Variants in NALF1 observed in about 807,000 individuals in gnomAD.
NALF1 encodes the protein NALCN channel auxiliary factor 1, also known as family with sequence similarity 155 member A.
Under a neutral mutation model 48.4 loss-of-function variants are expected in NALF1, and 3 were observed. The ratio of observed to expected loss-of-function variants is 0.06; its 90% CI spans 0.03 to 0.16. The LOEUF is 0.16. Among genes scored for constraint, NALF1 ranks in the 10% least tolerant of loss-of-function variants. The pLI is 1.00. For missense variants in NALF1, 526 were observed against 571.5 expected, an observed-to-expected ratio of 0.92 and a Z score of 0.81; for synonymous variants, 262 against 245.7, an observed-to-expected ratio of 1.07 and a Z score of -0.62.
At chr13:107,283,779 C>T (rs1007612589) in intron 1 of NALF1, among the ~76,000 whole-genome samples, 2 of 151,888 alleles carry the variant, frequency 1.3e-5, no homozygotes, top group Non-Finnish European at 2.9e-5. Flanking sequence ...CCTGTCTCAG[C>T]CTCCTGAGTA....
At chr13:107,650,146 A>G (rs975648049) in intron 1 of NALF1, among the ~76,000 whole-genome samples, 4 of 152,104 alleles carry the variant, frequency 2.6e-5, no homozygotes, top group African/African-American at 9.7e-5. Flanking sequence ...CATATCCTAC[A>G]CTGTCATTAA....
intron 2 of NALF1, among the ~76,000 whole-genome samples, chr13:107,172,345 C>T (rs1334366686): frequency 6.6e-6 from 1 of 152,198 alleles, no homozygotes; most frequent in African/African-American, 2.4e-5. Flanking sequence ...ATAAACTATA[C>T]ATTCTTAGTT....
intron 1 of NALF1, among the ~76,000 whole-genome samples, chr13:107,765,167 C>T (rs1877387799): frequency 6.6e-6 from 1 of 152,180 alleles, no homozygotes; most frequent in South Asian, 2.1e-4. Context: ...CCACCACACA[C>T]ACAGCAGCTC....
chr13:107,633,029 AAG>A (rs1460783398), intron 1 of NALF1, among the ~76,000 whole-genome samples: 1 of 152,086 alleles, frequency 6.6e-6, no homozygotes, highest in African/African-American at 2.4e-5. Context: ...CATTTTTAGA[AAG>A]AGAGAATAGT....
At chr13:107,268,037 A>T (rs1485755200) in intron 1 of NALF1, among the ~76,000 whole-genome samples, 1 of 132,492 alleles carries the variant, frequency 7.5e-6, no homozygotes. Context: ...ACCAGGCTGG[A>T]GAGTAGTGGC....
At chr13:107,724,810 A>G (rs1228495769) in intron 1 of NALF1, among the ~76,000 whole-genome samples, 1 of 152,014 alleles carries the variant, frequency 6.6e-6, no homozygotes, top group African/African-American at 2.4e-5. Flanking sequence ...CAAACTCCTG[A>G]GCCCAAATGA....
chr13:107,261,804 A>T, intron 1 of NALF1, among the ~76,000 whole-genome samples: 1 of 152,188 alleles, frequency 6.6e-6, no homozygotes, highest in Admixed American at 6.5e-5. Context: ...ACTTGAGCAA[A>T]TAAATCACTA....
intron 1 of NALF1, among the ~76,000 whole-genome samples, chr13:107,309,328 C>G (rs545089585): frequency 5.3e-5 from 8 of 152,328 alleles, no homozygotes; most frequent in African/African-American, 1.7e-4. Context: ...TCTGATTTCT[C>G]TCTCACATTC....
chr13:107,756,633 A>G (rs1304523187), intron 1 of NALF1, among the ~76,000 whole-genome samples: 1 of 151,928 alleles, frequency 6.6e-6, no homozygotes, highest in Non-Finnish European at 1.5e-5. Context: ...ACCTCCATGG[A>G]TTTGTCACCA....
At chr13:107,596,011 A>C (rs1255081359) in intron 1 of NALF1, among the ~76,000 whole-genome samples, 1 of 152,154 alleles carries the variant, frequency 6.6e-6, no homozygotes, top group African/African-American at 2.4e-5. Context: ...TGTGGGGTGG[A>C]AACTGCCAAA....
chr13:107,688,936 C>T (rs1005569577), intron 1 of NALF1, among the ~76,000 whole-genome samples: 2 of 152,026 alleles, frequency 1.3e-5, no homozygotes, highest in Non-Finnish European at 1.5e-5. Context: ...AGGTCACTGG[C>T]GAGGATGATG....
intron 1 of NALF1, among the ~76,000 whole-genome samples, chr13:107,625,895 A>G (rs1167279574): frequency 6.6e-6 from 1 of 152,128 alleles, no homozygotes; most frequent in African/African-American, 2.4e-5. Context: ...TAGTCAATTT[A>G]GCACACGAAT....
chr13:107,382,732 G>C (rs9670560), intron 1 of NALF1, among the ~76,000 whole-genome samples: 91,631 of 151,974 alleles, frequency 0.6, 27,714 homozygotes, highest in Middle Eastern at 0.68. Context: ...AGTGCTGATT[G>C]GTCGTTTGGT....
chr13:107,751,900 A>G (rs1269148002), intron 1 of NALF1, among the ~76,000 whole-genome samples: 19 of 152,132 alleles, frequency 1.2e-4, no homozygotes, highest in Admixed American at 1.2e-3. Context: ...AATTCATGTC[A>G]TCAAGGTGCT....
intron 1 of NALF1, among the ~76,000 whole-genome samples, chr13:107,720,123 C>T (rs1875939464): frequency 6.6e-6 from 1 of 152,178 alleles, no homozygotes; most frequent in African/African-American, 2.4e-5. Flanking sequence ...GTTTTGGTGG[C>T]CTCCACCCTA....
At chr13:107,779,152 G>A (rs925908118) in intron 1 of NALF1, among the ~76,000 whole-genome samples, 1 of 152,106 alleles carries the variant, frequency 6.6e-6, no homozygotes, top group Admixed American at 6.6e-5. Context: ...AAATTTCACT[G>A]ACCTTTCATT....
At chr13:107,639,420 C>T (rs1469435815) in intron 1 of NALF1, among the ~76,000 whole-genome samples, 1 of 152,172 alleles carries the variant, frequency 6.6e-6, no homozygotes, top group Non-Finnish European at 1.5e-5. Flanking sequence ...CACGCATTTG[C>T]TCATAGTATT....
intron 1 of NALF1, among the ~76,000 whole-genome samples, chr13:107,371,046 C>A (rs1314187824): frequency 6.6e-6 from 1 of 152,152 alleles, no homozygotes; most frequent in African/African-American, 2.4e-5. Context: ...GGGGACACCG[C>A]CAAACCATAT....
intron 1 of NALF1, among the ~76,000 whole-genome samples, chr13:107,737,883 G>A (rs1876512774): frequency 6.6e-6 from 1 of 152,070 alleles, no homozygotes; most frequent in Non-Finnish European, 1.5e-5. Flanking sequence ...CCGAAGAATA[G>A]AAAATGCATC....
Sources: allele counts gnomAD v4.1 joint callset (sites outside exome capture counted in the v4.1 genomes callset), GRCh38; gene constraint gnomAD v4.1.1; transcripts MANE v1.5; gene names NCBI Gene and HGNC (gene_info 2026-07-23, HGNC 2026-07-21).